The following RUFY3 variants were observed in gnomAD, a reference collection of about 807,000 sequenced individuals.
RUFY3 encodes RUN and FYVE domain containing 3, also known as protein RUFY3.
In RUFY3, 34 loss-of-function variants were observed where a neutral mutation model predicts 84.0. That is an observed-to-expected ratio of 0.40 (90% CI 0.31 to 0.54). RUFY3 has a LOEUF of 0.54. Among genes scored for constraint, RUFY3 ranks in the 20% least tolerant of loss-of-function variants. The pLI is 0.39. For missense variants in RUFY3, 507 were observed against 736.8 expected, an observed-to-expected ratio of 0.69 and a Z score of 3.61; for synonymous variants, 242 against 252.9, an observed-to-expected ratio of 0.96 and a Z score of 0.41.
intron 6 of RUFY3, 126 bp from the exon 7 acceptor site, chr4:70,775,042 T>C (rs186811380): frequency 1.0e-4 from 58 of 563,506 alleles, no homozygotes; most frequent in African/African-American, 8.1e-4. Flanking sequence ...ATCTGTCTTA[T>C]GGTTCAGTGT....
chr4:70,781,338 G>T (rs1291978911), intron 8 of RUFY3, among the ~76,000 whole-genome samples: 1 of 152,068 alleles, frequency 6.6e-6, no homozygotes, highest in Non-Finnish European at 1.5e-5. Flanking sequence ...AAATTAGCCG[G>T]CTGTTGTGGT....
At chr4:70,749,793 G>T (rs1356024243) in intron 1 of RUFY3, among the ~76,000 whole-genome samples, 1 of 151,506 alleles carries the variant, frequency 6.6e-6, no homozygotes, top group East Asian at 1.9e-4. Flanking sequence ...GGGACTACAG[G>T]TTTGCACCAC....
intron 1 of RUFY3, among the ~76,000 whole-genome samples, chr4:70,751,444 T>A: frequency 6.6e-6 from 1 of 152,246 alleles, no homozygotes; most frequent in East Asian, 1.9e-4. Context: ...CTTCAATGAA[T>A]AATTATTATT....
At position 70,806,565 on chromosome 4, in the gene RUFY3, A is replaced by C; in HGVS notation, c.1769A>C (p.Asn590Thr). ...SGTFCDACST[N>T]ELPLPSSIKL... ...ACCTTCTGTGATGCCTGTTCAACAA[A>C]TGAACTGCCTCTTCCTTCAAGTATC... The change falls in exon 18 of 18, where the codon AAT (asparagine) becomes ACT (threonine). Residue 590 changes from asparagine to threonine, a missense_variant. Asn to Thr is a moderately conservative substitution (Grantham distance 65). This residue lies in a region of RUFY3 where 334 missense variants were observed against 364.1 expected (regional missense o/e 0.92). Transcript: ENST00000381006. 1.2e-6 allele frequency: 2 copies of C among 1,614,186 alleles called. No individual in the cohort carries two copies. The highest frequency in any genetic ancestry group is 1.7e-6 in the Non-Finnish European group (2 of 1,180,014).
chr4:70,791,863 C>T (rs1730874102), intron 12 of RUFY3: 1 of 985,386 alleles, frequency 1.0e-6, no homozygotes, highest in Non-Finnish European at 1.2e-6. Context: ...CACTTCTATT[C>T]TCAGTAACCA....
intron 4 of RUFY3, among the ~76,000 whole-genome samples, chr4:70,767,374 T>TGCTGGGATTGCAGGCGTGAGCC (rs1726156466): frequency 6.7e-6 from 1 of 148,368 alleles, no homozygotes; most frequent in Non-Finnish European, 1.5e-5. Context: ...CCTCCCAAAG[T>TGCTGGGATTGCAGGCGTGAGCC]GCTGGGATTG....
intron 1 of RUFY3, among the ~76,000 whole-genome samples, chr4:70,733,109 A>AG (rs1218416944): frequency 2.2e-4 from 19 of 87,800 alleles, no homozygotes; most frequent in African/African-American, 4.9e-4. Context: ...AGAGAGAGAG[A>AG]GAGAGAGAGA....
intron 14 of RUFY3, chr4:70,799,458 T>G (rs1277584694): frequency 1.3e-5 from 2 of 152,220 alleles, no homozygotes; most frequent in African/African-American, 4.8e-5. Context: ...AAGAATCACT[T>G]GAATCCAAGT....
upstream of RUFY3, among the ~76,000 whole-genome samples, chr4:70,719,723 TA>T (rs1358463442): frequency 1.3e-5 from 2 of 152,222 alleles, no homozygotes; most frequent in Non-Finnish European, 2.9e-5. Flanking sequence ...AATATGGGAA[TA>T]TTTTTGGCTA....
intron 16 of RUFY3, 28 bp downstream of exon 16, chr4:70,803,011 C>A (rs755437498): frequency 5.7e-6 from 9 of 1,586,722 alleles, no homozygotes; most frequent in Non-Finnish European, 7.8e-6. Context: ...TTCAAAACAT[C>A]TTGTATGAAT....
intron 5 of RUFY3, among the ~76,000 whole-genome samples, chr4:70,772,668 TA>T (rs1727162362): frequency 1.3e-5 from 2 of 152,220 alleles, no homozygotes; most frequent in African/African-American, 4.8e-5. Flanking sequence ...TTTTTATTTT[TA>T]TTTTTTTTGA....
In RUFY3 at chr4:70,808,205, G is replaced by A. The variant is rs1733019594; in HGVS notation, c.*1546G>A. The stretch of plus-strand genomic sequence containing the variant: ...AACTTTGTGGAATTTTTCTTTTTCT[G>A]AATATTTTTGATTGGCAGTTGGTTG... On this transcript the variant is annotated 3_prime_UTR_variant, in exon 18 of 18. Coordinates refer to ENST00000381006, the MANE Select transcript of RUFY3 (RefSeq NM_001037442.4). Among the ~76,000 whole-genome samples the A allele has an allele frequency of 6.6e-6, 1 of 152,032 alleles. No homozygotes were observed. Among genetic ancestry groups the A allele is most frequent in the South Asian group, 2.1e-4 (1 of 4,824 alleles).
chr4:70,800,270 T>C, intron 15 of RUFY3, 65 bp downstream of exon 15: 8 of 1,158,118 alleles, frequency 6.9e-6, no homozygotes, highest in South Asian at 1.4e-5. Context: ...AGGAGGGAGT[T>C]CTTTATATAC....
intron 1 of RUFY3, 137 bp downstream of exon 1, chr4:70,722,888 A>G: frequency 1.4e-6 from 1 of 723,986 alleles, no homozygotes; most frequent in Non-Finnish European, 2.1e-6. Context: ...ATCCTTACTT[A>G]CCACCCAGCT....
intron 14 of RUFY3, 80 bp downstream of exon 14, chr4:70,794,974 T>G: frequency 2.2e-6 from 2 of 915,816 alleles, no homozygotes; most frequent in East Asian, 4.8e-5. Context: ...CTGTCAGTTT[T>G]CCTTTACAGA....
At chr4:70,723,244 A>G (rs1717670062) in intron 1 of RUFY3, among the ~76,000 whole-genome samples, 1 of 152,210 alleles carries the variant, frequency 6.6e-6, no homozygotes, top group Non-Finnish European at 1.5e-5. Flanking sequence ...TATGACATCT[A>G]GGAAATGTTT....
At chr4:70,711,455 T>C (rs1466182901) in intron 1 of RUFY3, among the ~76,000 whole-genome samples, 1 of 152,238 alleles carries the variant, frequency 6.6e-6, no homozygotes, top group African/African-American at 2.4e-5. Flanking sequence ...AGCAGAGTGA[T>C]GTGTGACTTT....
chr4:70,763,264 C>A (rs146752469), intron 2 of RUFY3, among the ~76,000 whole-genome samples: 14 of 152,028 alleles, frequency 9.2e-5, no homozygotes, highest in Middle Eastern at 3.4e-3. Flanking sequence ...GAGCTGTTTT[C>A]TTCATTAATA....
rs1490721066 is a variant in RUFY3 at position 70,732,763 on chromosome 4, T to C, written c.178+10012T>C. Among the ~76,000 whole-genome samples the C allele has an allele frequency of 3.7e-5, 4 of 109,152 alleles. No homozygotes were observed. The South Asian group carries it at 1.2e-3, about 32-fold the overall frequency. 71.6% of individuals were successfully genotyped at this position (109,152 alleles called of 152,430 possible). ...CACACACTGGGGACCTGTCGGTGGG[T>C]AGGGGGCTGGGGGGAGGGATAGCAT... On this transcript the variant is annotated intron_variant, in intron 1 of 17. Coordinates refer to ENST00000381006, the MANE Select transcript of RUFY3 (RefSeq NM_001037442.4).
Sources: gnomAD v4.1 joint callset for allele counts (sites outside exome capture counted in the v4.1 genomes callset) on GRCh38, gnomAD v4.1.1 for gene constraint, gnomAD v4.1.1 regional missense constraint, MANE v1.5 for transcripts, NCBI Gene and HGNC (gene_info 2026-07-23, HGNC 2026-07-21) for gene names.